Variants in ARSK observed in about 807,000 individuals in gnomAD.
ARSK encodes arylsulfatase family member K, also known as arylsulfatase K.
In ARSK, 37 loss-of-function variants were observed where a neutral mutation model predicts 53.2. The ratio of observed to expected loss-of-function variants is 0.70; its 90% confidence interval spans 0.54 to 0.92. The LOEUF is 0.92. Ranked by LOEUF, ARSK falls within the 40% of genes least tolerant of loss-of-function variation. The pLI is 0.00. For missense variants in ARSK, 613 were observed against 643.0 expected, an observed-to-expected ratio of 0.95 and a Z score of 0.51; for synonymous variants, 208 against 223.2, an observed-to-expected ratio of 0.93 and a Z score of 0.61.
intron 6 of ARSK, among the ~76,000 whole-genome samples, chr5:95,595,481 T>C (rs757692275): frequency 1.2e-4 from 19 of 152,324 alleles, no homozygotes; most frequent in Middle Eastern, 6.8e-3. Context: ...CATGGAATAC[T>C]ACAAAGCCAT....
chr5:95,557,638 C>T (rs1353631859), intron 1 of ARSK, among the ~76,000 whole-genome samples: 1 of 152,226 alleles, frequency 6.6e-6, no homozygotes, highest in Non-Finnish European at 1.5e-5. Flanking sequence ...ATTCCTCTCT[C>T]TATGATTATA....
At chr5:95,561,010 C>T (rs1013371325) in intron 1 of ARSK, among the ~76,000 whole-genome samples, 4 of 151,916 alleles carry the variant, frequency 2.6e-5, no homozygotes, top group African/African-American at 7.3e-5. Flanking sequence ...GGGGTTTCAC[C>T]GTATTAGCCA....
chr5:95,602,182 TC>T (rs1749412363), intron 7 of ARSK, among the ~76,000 whole-genome samples: 1 of 152,238 alleles, frequency 6.6e-6, no homozygotes, highest in South Asian at 2.1e-4. Context: ...TGGGACTTTT[TC>T]ATCAGCCTTT....
chr5:95,600,908 A>G lies in ARSK; in HGVS notation c.1158A>G (p.Ser386=). 6.2e-7 allele frequency: 1 copy of G among 1,614,156 alleles called. No individual in the cohort carries two copies. The highest frequency in any genetic ancestry group is 1.1e-5 in the South Asian group (1 of 91,076). Reference sequence around the variant, plus strand: ...GATACTCTTTGTTGCCGTTATCATCAGAAACATTTAAGAATGAACATAAAG... The same window carrying G: ...GATACTCTTTGTTGCCGTTATCATCGGAAACATTTAAGAATGAACATAAAG... ...LSGYSLLPLS[S]ETFKNEHKVK... Residue 386 remains serine, a synonymous_variant, in exon 7 of 8, where the codon TCA becomes TCG. Transcript: ENST00000380009.
chr5:95,561,325 G>A lies in ARSK; in HGVS notation c.127-4673G>A, dbSNP rs150698445. Among the ~76,000 whole-genome samples, 806 of 152,306 alleles carry A rather than the reference G, an allele frequency of 5.3e-3. 6 individuals are homozygous for A. The highest frequency in any genetic ancestry group is 8.9e-3 in the Non-Finnish European group (604 of 68,016). The stretch of plus-strand genomic sequence containing the variant: ...ACCCATACCCTGCTGGTAGGATCAC[G>A]CAGCCATTGGAAATCAGTTTGGCAG... On this transcript the variant is annotated intron_variant, in intron 1 of 7. Transcript: ENST00000380009.
At chr5:95,556,380 A>G in intron 1 of ARSK, 1 of 627,724 alleles carries the variant, frequency 1.6e-6, no homozygotes, top group Non-Finnish European at 2.8e-6. Flanking sequence ...AGGAAGCAGG[A>G]TTGTGCAGAG....
intron 7 of ARSK, among the ~76,000 whole-genome samples, 180 bp downstream of exon 7, chr5:95,601,251 A>C (rs1272921070): frequency 6.6e-6 from 1 of 152,220 alleles, no homozygotes; most frequent in East Asian, 1.9e-4. Context: ...TCAGCAGCTG[A>C]ATTTCAGAGA....
intron 6 of ARSK, among the ~76,000 whole-genome samples, chr5:95,597,851 G>T (rs1046485430): frequency 2.8e-5 from 4 of 144,254 alleles, no homozygotes; most frequent in South Asian, 4.7e-4. Context: ...CCAAGATTGC[G>T]CCACTGCACT....
intron 7 of ARSK, 99 bp downstream of exon 7, chr5:95,601,170 A>C: frequency 2.6e-6 from 3 of 1,136,728 alleles, no homozygotes; most frequent in Non-Finnish European, 3.8e-6. Context: ...TAAATAAATG[A>C]ATATCTGCTG....
chr5:95,575,983 A>G (rs1253111988), intron 3 of ARSK, among the ~76,000 whole-genome samples: 1 of 151,766 alleles, frequency 6.6e-6, no homozygotes, highest in Non-Finnish European at 1.5e-5. Context: ...AAGGACTTTC[A>G]GTTTTTCCTC....
At chr5:95,569,614 A>C (rs781012735) in intron 3 of ARSK, among the ~76,000 whole-genome samples, 19 of 152,208 alleles carry the variant, frequency 1.2e-4, no homozygotes, top group Non-Finnish European at 2.6e-4. Context: ...GCAAGGAAAA[A>C]TTCTGCCAGA....
chr5:95,555,974 A>G lies in ARSK; in HGVS notation c.126+570A>G, dbSNP rs1466107225. On this transcript the variant is annotated intron_variant, in intron 1 of 7. Transcript: ENST00000380009. This position sits in a 1 kb window ranked among gnomAD's most constrained non-coding sequence, Gnocchi z 4.0. ...TGTGTTGGTAATGTGGCTGAATCCC[A>G]AACTTAAACAGTTTTTGAAACTTTC... 2.0e-5 allele frequency among the ~76,000 whole-genome samples: 3 copies of G among 152,242 alleles called. No individual in the cohort carries two copies. Among genetic ancestry groups the G allele is most frequent in the African/African-American group, 7.2e-5 (3 of 41,456 alleles).
intron 2 of ARSK, 44 bp from the exon 3 acceptor site, chr5:95,567,846 T>C: frequency 6.4e-7 from 1 of 1,554,198 alleles, no homozygotes. Context: ...AGTTAAATTG[T>C]TAAGCTTTAC....
At chr5:95,588,634 C>G (rs1749162964) in intron 5 of ARSK, among the ~76,000 whole-genome samples, 1 of 152,006 alleles carries the variant, frequency 6.6e-6, no homozygotes, top group South Asian at 2.1e-4. Context: ...ATGTTGGGCA[C>G]TGGGGGAGTA....
rs2112441708 is a variant in ARSK, at chr5:95,591,397, G to C, written c.872-4G>C. On this transcript the variant is annotated splice_polypyrimidine_tract_variant and splice_region_variant and intron_variant, in intron 5 of 7. Coordinates refer to ENST00000380009, the MANE Select transcript of ARSK (RefSeq NM_198150.3). ...TAATCGGTTTATCATGATTTCTATTGTAGGTGAAATTATTTTGGCCCTTCA... is the reference window on the plus strand; with the variant it reads ...TAATCGGTTTATCATGATTTCTATTCTAGGTGAAATTATTTTGGCCCTTCA... The C allele has an allele frequency of 6.3e-7, 1 of 1,597,238 alleles. No homozygotes were observed. The highest frequency in any genetic ancestry group is 2.2e-5 in the East Asian group (1 of 44,782).
chr5:95,574,282 T>C (rs1748885483), intron 3 of ARSK, among the ~76,000 whole-genome samples: 1 of 152,220 alleles, frequency 6.6e-6, no homozygotes, highest in Admixed American at 6.5e-5. Flanking sequence ...AAATCTTGGC[T>C]TATTGTGACT....
chr5:95,571,788 G>A (rs1377051988), intron 3 of ARSK, among the ~76,000 whole-genome samples: 1 of 152,162 alleles, frequency 6.6e-6, no homozygotes, highest in East Asian at 1.9e-4. Context: ...ACAGACATTT[G>A]GCTGACAAAT....
chr5:95,600,224 G>A (rs1749379483), intron 6 of ARSK, among the ~76,000 whole-genome samples: 1 of 152,162 alleles, frequency 6.6e-6, no homozygotes, highest in African/African-American at 2.4e-5. Context: ...CCCTCAAGAT[G>A]CTACTTGAGA....
intron 2 of ARSK, 147 bp from the exon 3 acceptor site, chr5:95,567,743 A>T: frequency 1.5e-6 from 1 of 662,106 alleles, no homozygotes; most frequent in Non-Finnish European, 2.4e-6. Context: ...TAACAATCAG[A>T]AATGTTTGGT....
Sources: allele counts gnomAD v4.1 joint callset (sites outside exome capture counted in the v4.1 genomes callset), GRCh38; gene constraint gnomAD v4.1.1; non-coding constraint Gnocchi (gnomAD v3.1); transcripts MANE v1.5; gene names NCBI Gene and HGNC (gene_info 2026-07-23, HGNC 2026-07-21).